FMNL2: variants seen among roughly 807,000 people sequenced by gnomAD.
The protein encoded by FMNL2 is formin-like protein 2.
Under a neutral mutation model 130.2 loss-of-function variants are expected in FMNL2, and 51 were observed. The observed-to-expected ratio is 0.39, with a 90% CI of 0.31 to 0.49. The LOEUF is 0.49. Among genes scored for constraint, FMNL2 ranks in the 20% least tolerant of loss-of-function variants. The pLI, the probability that FMNL2 is intolerant of heterozygous loss-of-function variation, is 0.85. For synonymous variants in FMNL2, 465 were observed against 467.1 expected (o/e 1.00, Z 0.06); for missense variants, 977 against 1,316.2 (o/e 0.74, Z 3.99).
intron 1 of FMNL2, among the ~76,000 whole-genome samples, chr2:152,407,868 C>T (rs897743445): frequency 6.6e-6 from 1 of 152,206 alleles, no homozygotes; most frequent in Non-Finnish European, 1.5e-5. Flanking sequence ...CACTGCAGTA[C>T]CTGGCACACA....
chr2:152,599,607 A>G (rs1697949068), intron 9 of FMNL2, among the ~76,000 whole-genome samples: 1 of 151,962 alleles, frequency 6.6e-6, no homozygotes, highest in South Asian at 2.1e-4. Flanking sequence ...GCCTCCTGCC[A>G]AACATCTGGA....
intron 1 of FMNL2, among the ~76,000 whole-genome samples, chr2:152,484,606 T>C (rs1411900859): frequency 1.3e-5 from 2 of 151,866 alleles, no homozygotes; most frequent in Non-Finnish European, 2.9e-5. Flanking sequence ...CTCATCTCTA[T>C]AAAAAACTTA....
chr2:152,516,294 T>C (rs1183969053), intron 1 of FMNL2, among the ~76,000 whole-genome samples: 3 of 152,190 alleles, frequency 2.0e-5, no homozygotes, highest in African/African-American at 7.2e-5. Context: ...AATTTTATAT[T>C]ATGTTTTCTA....
intron 1 of FMNL2, among the ~76,000 whole-genome samples, chr2:152,486,660 G>A (rs890237708): frequency 3.3e-5 from 5 of 152,204 alleles, no homozygotes; most frequent in African/African-American, 1.2e-4. Context: ...ACATCCTTGA[G>A]TTATGAAGCT....
intron 1 of FMNL2, among the ~76,000 whole-genome samples, chr2:152,482,171 C>T (rs533304709): frequency 6.6e-6 from 1 of 152,034 alleles, no homozygotes; most frequent in Non-Finnish European, 1.5e-5. Context: ...AAATGAAAAC[C>T]AAGTTTTCCA....
intron 1 of FMNL2, among the ~76,000 whole-genome samples, chr2:152,484,259 A>G (rs1690691099): frequency 2.6e-5 from 4 of 152,202 alleles, no homozygotes; most frequent in Admixed American, 1.3e-4. Context: ...CCTCAGTCCA[A>G]GGTCTTGGGA....
chr2:152,622,939 A>G (rs1352290582), intron 15 of FMNL2, among the ~76,000 whole-genome samples: 1 of 149,072 alleles, frequency 6.7e-6, no homozygotes, highest in African/African-American at 2.5e-5. Context: ...TCTCTGGCCC[A>G]CTCCAGGGAG....
At chr2:152,544,152 C>T (rs149366097) in intron 3 of FMNL2, among the ~76,000 whole-genome samples, 1 of 152,126 alleles carries the variant, frequency 6.6e-6, no homozygotes, top group Non-Finnish European at 1.5e-5. Context: ...CACAGTGGCT[C>T]ACGTCTGTAA....
intron 6 of FMNL2, among the ~76,000 whole-genome samples, chr2:152,572,076 AATG>A: frequency 6.6e-6 from 1 of 152,196 alleles, no homozygotes; most frequent in Middle Eastern, 3.4e-3. Context: ...GAGTTTTTCT[AATG>A]ATATTTGGTT....
chr2:152,396,899 T>G (rs1426711119), intron 1 of FMNL2, among the ~76,000 whole-genome samples: 1 of 152,254 alleles, frequency 6.6e-6, no homozygotes, highest in Non-Finnish European at 1.5e-5. Context: ...CATCATTATT[T>G]TTAAAGCTCT....
At chr2:152,461,929 C>T (rs980121399) in intron 1 of FMNL2, among the ~76,000 whole-genome samples, 4 of 151,802 alleles carry the variant, frequency 2.6e-5, no homozygotes, top group Non-Finnish European at 5.9e-5. Context: ...CAAGATCTCT[C>T]TTTGTTGCCC....
Position 152,418,557 on chromosome 2 carries a change from G to T in FMNL2, c.117+82837G>T, listed in dbSNP as rs184526948. On this transcript the variant is annotated intron_variant, in intron 1 of 25. Transcript: ENST00000288670. Reference sequence around the variant, plus strand: ...TCATAAGTGGAATCAGGGAAGTTGTGTCCTTTTGTGTCTGGTTGATTTCAC... The same window carrying T: ...TCATAAGTGGAATCAGGGAAGTTGTTTCCTTTTGTGTCTGGTTGATTTCAC... Among the ~76,000 whole-genome samples the T allele has an allele frequency of 3.4e-4, 51 of 152,214 alleles. 1 individual carries two copies. The highest frequency in any genetic ancestry group is 5.9e-5 in the Non-Finnish European group (4 of 68,018).
intron 1 of FMNL2, among the ~76,000 whole-genome samples, chr2:152,338,852 C>CACACACACACACACACACACAT (rs1681638361): frequency 7.1e-6 from 1 of 139,982 alleles, no homozygotes; most frequent in African/African-American, 2.6e-5. Context: ...CACACACACA[C>CACACACACACACACACACACAT]ATATATGCAT....
intron 1 of FMNL2, among the ~76,000 whole-genome samples, chr2:152,370,598 T>C (rs1433094367): frequency 6.6e-6 from 1 of 152,214 alleles, no homozygotes; most frequent in Non-Finnish European, 1.5e-5. Flanking sequence ...ATTTCATTAA[T>C]GATAGGACCT....
Position 152,619,552 on chromosome 2 carries a change from G to GCCAC in FMNL2, c.1673_1674insACCC (p.Pro561SerfsTer21), listed in dbSNP as rs5835439. Reference sequence around the variant, plus strand: ...CACCACCTATGCCACCGCCGCCGCCGCCCCCTCCTCCACCTCCTCCTCCCC... The same window carrying GCCAC: ...CACCACCTATGCCACCGCCGCCGCCGCCACCCCCCTCCTCCACCTCCTCCTCCCC... On this transcript the variant is annotated frameshift_variant, in exon 15 of 26. Coordinates refer to ENST00000288670, the MANE Select transcript of FMNL2 (RefSeq NM_052905.4). LOFTEE classifies it high-confidence loss of function. 1.6e-5 allele frequency: 22 copies of GCCAC among 1,417,722 alleles called. No individual in the cohort carries two copies. The highest frequency in any genetic ancestry group is 2.5e-5 in the South Asian group (2 of 79,014). The allele number at this position is 1,417,722 out of a possible 1,614,324, so 87.8% of individuals were successfully genotyped here. A position where few individuals can be genotyped will look rare whatever the true frequency, so the allele number is the denominator to read the frequency against.
intron 1 of FMNL2, among the ~76,000 whole-genome samples, chr2:152,446,965 A>C (rs1222023552): frequency 6.6e-6 from 1 of 152,154 alleles, no homozygotes; most frequent in Non-Finnish European, 1.5e-5. Flanking sequence ...ATACCACTGG[A>C]GTTCATAGGC....
At chr2:152,384,200 T>C (rs1036220057) in intron 1 of FMNL2, among the ~76,000 whole-genome samples, 1 of 152,228 alleles carries the variant, frequency 6.6e-6, no homozygotes, top group Non-Finnish European at 1.5e-5. Context: ...AATAATTTGC[T>C]CAAAGTTTTG....
In FMNL2 at chr2:152,457,636, A is replaced by C. The variant is rs1689027814; in HGVS notation, c.118-64307A>C. ...GTCCTTTGTAAGAAAAAAATGACCA[A>C]AAGATGTATGTTTTCTATTGCTACT... On this transcript the variant is annotated intron_variant, in intron 1 of 25. Transcript: ENST00000288670. Among the ~76,000 whole-genome samples, 5 of 152,316 alleles carry C rather than the reference A, an allele frequency of 3.3e-5. No individual in the cohort carries two copies. The South Asian group carries it at 1.0e-3, about 32-fold the overall frequency.
intron 2 of FMNL2, among the ~76,000 whole-genome samples, chr2:152,533,988 C>T (rs1389970891): frequency 6.6e-6 from 1 of 152,102 alleles, no homozygotes; most frequent in Non-Finnish European, 1.5e-5. Flanking sequence ...GTTATATCAT[C>T]GTACTTACCA....
Sources: allele counts gnomAD v4.1 joint callset (sites outside exome capture counted in the v4.1 genomes callset), GRCh38; gene constraint gnomAD v4.1.1; transcripts MANE v1.5; gene names NCBI Gene and HGNC (gene_info 2026-07-23, HGNC 2026-07-21).